PRKN: variants seen among roughly 807,000 people sequenced by gnomAD.
The protein encoded by PRKN is parkin RBR E3 ubiquitin protein ligase.
Under a neutral mutation model 59.5 loss-of-function variants are expected in PRKN, and 56 were observed. The observed-to-expected ratio is 0.94, with a 90% CI of 0.76 to 1.18. The LOEUF (loss-of-function observed/expected upper bound fraction) is 1.18, where lower values mean the gene tolerates loss of function less well. Among genes scored for constraint, PRKN ranks in the 50% most tolerant of loss-of-function variants. The pLI, the probability that PRKN is intolerant of heterozygous loss-of-function variation, is 0.00. For missense variants in PRKN, 657 were observed against 596.4 expected, an observed-to-expected ratio of 1.10 and a Z score of -1.06; for synonymous variants, 250 against 222.1, an observed-to-expected ratio of 1.13 and a Z score of -1.12.
chr6:162,377,001 G>A (rs138388165), intron 2 of PRKN, among the ~76,000 whole-genome samples: 17 of 152,058 alleles, frequency 1.1e-4, no homozygotes, highest in South Asian at 8.3e-4. Context: ...TGAGTCATGC[G>A]CTGGACACAG....
At chr6:161,568,524 C>T (rs573671368) in intron 8 of PRKN, among the ~76,000 whole-genome samples, 6 of 152,200 alleles carry the variant, frequency 3.9e-5, no homozygotes, top group African/African-American at 7.2e-5. Context: ...ACCTGGGAGG[C>T]GGAGCTTGCA....
At chr6:162,345,021 C>T (rs929668394) in intron 2 of PRKN, among the ~76,000 whole-genome samples, 1 of 152,218 alleles carries the variant, frequency 6.6e-6, no homozygotes, top group African/African-American at 2.4e-5. Context: ...ACCGCAGCTC[C>T]ACAAACAACC....
Position 161,566,467 on chromosome 6 carries a change from C to T in PRKN, c.933+2888G>A, listed in dbSNP as rs1229979587. Among the ~76,000 whole-genome samples the T allele has an allele frequency of 6.6e-6, 1 of 152,184 alleles. No homozygotes were observed. The highest frequency in any genetic ancestry group is 2.4e-5 in the African/African-American group (1 of 41,442). On this transcript the variant is annotated intron_variant, in intron 8 of 11. Coordinates refer to ENST00000366898, the MANE Select transcript of PRKN (RefSeq NM_004562.3). The surrounding 1 kb of genome is among the most constrained non-coding windows in gnomAD (Gnocchi z 4.1). ...TGTCACCCAGGCTGGAGTGCATTGG[C>T]ACGATATTGGCTCACTGCAACCTCC...
At chr6:162,356,429 C>A (rs1784857319) in intron 2 of PRKN, among the ~76,000 whole-genome samples, 1 of 151,842 alleles carries the variant, frequency 6.6e-6, no homozygotes, top group Non-Finnish European at 1.5e-5. Context: ...TGGTTTACAC[C>A]ACGATAAGAG....
intron 7 of PRKN, among the ~76,000 whole-genome samples, chr6:161,647,977 A>G (rs1784017171): frequency 6.6e-6 from 1 of 152,230 alleles, no homozygotes; most frequent in Non-Finnish European, 1.5e-5. Context: ...AATTGGTTTT[A>G]TGGCTATAGC....
intron 4 of PRKN, among the ~76,000 whole-genome samples, chr6:162,156,561 T>TTCCA (rs1583119523): frequency 6.6e-6 from 1 of 152,284 alleles, no homozygotes; most frequent in East Asian, 1.9e-4. Context: ...GGGAGAAAGA[T>TTCCA]GGAGGCCGGA....
chr6:162,272,270 C>A (rs1003432558), intron 2 of PRKN, among the ~76,000 whole-genome samples: 1 of 152,088 alleles, frequency 6.6e-6, no homozygotes, highest in Non-Finnish European at 1.5e-5. Flanking sequence ...CAAAGGATAT[C>A]GGATCACCAA....
intron 6 of PRKN, among the ~76,000 whole-genome samples, chr6:161,866,720 C>T (rs945048192): frequency 1.3e-5 from 2 of 152,168 alleles, no homozygotes; most frequent in African/African-American, 4.8e-5. Context: ...CAATATCTGC[C>T]AAGTGCGATA....
chr6:162,215,419 T>C (rs1046931190), intron 3 of PRKN, among the ~76,000 whole-genome samples: 4 of 152,204 alleles, frequency 2.6e-5, no homozygotes, highest in Admixed American at 2.6e-4. Flanking sequence ...ATGAGGAATG[T>C]TCTTCCAGGC....
At chr6:162,320,847 G>T (rs1782990633) in intron 2 of PRKN, among the ~76,000 whole-genome samples, 1 of 151,776 alleles carries the variant, frequency 6.6e-6, no homozygotes. Context: ...AAAAGTGAAT[G>T]AAAATGAAGA....
Position 162,054,306 on chromosome 6 carries a change from T to G in PRKN, c.535-132A>C, listed in dbSNP as rs1777770386. 5.5e-6 allele frequency: 4 copies of G among 731,304 alleles called. No homozygotes were observed. In the South Asian group the frequency reaches 6.0e-5, roughly 11 times the overall value. The allele number at this position is 731,304 out of a possible 1,614,324, so 45.3% of individuals were successfully genotyped here. On this transcript the variant is annotated intron_variant, in intron 4 of 11. Transcript: ENST00000366898. ...GTCCAATGATTTTCAAAGTGTGGTCTGCAGACTCTGGGGGTCCCCGTGACC... is the reference window on the plus strand; with the variant it reads ...GTCCAATGATTTTCAAAGTGTGGTCGGCAGACTCTGGGGGTCCCCGTGACC...
intron 1 of PRKN, among the ~76,000 whole-genome samples, chr6:162,447,172 C>T (rs1180964891): frequency 6.6e-6 from 1 of 152,118 alleles, no homozygotes; most frequent in Non-Finnish European, 1.5e-5. Flanking sequence ...AAAAATAGTT[C>T]CCTATTCTAG....
intron 4 of PRKN, among the ~76,000 whole-genome samples, chr6:162,111,236 T>C (rs975903548): frequency 2.6e-5 from 4 of 151,896 alleles, no homozygotes; most frequent in Non-Finnish European, 5.9e-5. Flanking sequence ...GAGGCCAAGG[T>C]GGGCAGATCA....
At chr6:161,863,943 A>G (rs1447573790) in intron 6 of PRKN, among the ~76,000 whole-genome samples, 1 of 152,192 alleles carries the variant, frequency 6.6e-6, no homozygotes, top group Non-Finnish European at 1.5e-5. Flanking sequence ...TTAATTTAAA[A>G]CTATTTTATT....
intron 6 of PRKN, among the ~76,000 whole-genome samples, chr6:161,961,550 C>A (rs1337519868): frequency 6.6e-6 from 1 of 152,132 alleles, no homozygotes; most frequent in Non-Finnish European, 1.5e-5. Context: ...CCCTGTTCTA[C>A]CACGATACAG....
chr6:162,651,687 A>T (rs73597969), intron 1 of PRKN, among the ~76,000 whole-genome samples: 3,062 of 152,316 alleles, frequency 0.02, 106 homozygotes, highest in African/African-American at 0.069. Flanking sequence ...GGGAAGAAGG[A>T]AAAAAGCAGG....
intron 1 of PRKN, among the ~76,000 whole-genome samples, chr6:162,564,289 G>A (rs1779970180): frequency 6.6e-6 from 1 of 151,732 alleles, no homozygotes; most frequent in African/African-American, 2.4e-5. Context: ...AGGTTGCAGT[G>A]AGCTGAGATA....
chr6:162,097,874 T>TAC (rs1779807962), intron 4 of PRKN, among the ~76,000 whole-genome samples: 2 of 152,168 alleles, frequency 1.3e-5, no homozygotes, highest in African/African-American at 4.8e-5. Flanking sequence ...CTTCCAATGG[T>TAC]ACTCTAATGC....
intron 6 of PRKN, among the ~76,000 whole-genome samples, chr6:161,895,199 A>G (rs576655909): frequency 1.3e-5 from 2 of 152,264 alleles, no homozygotes; most frequent in Non-Finnish European, 2.9e-5. Flanking sequence ...TTGAATTCCA[A>G]CCCTAGCTAC....
Sources: gnomAD v4.1 joint callset for allele counts (sites outside exome capture counted in the v4.1 genomes callset) on GRCh38, gnomAD v4.1.1 for gene constraint, Gnocchi (gnomAD v3.1) non-coding constraint, MANE v1.5 for transcripts, NCBI Gene and HGNC (gene_info 2026-07-23, HGNC 2026-07-21) for gene names.